ATP9B: variants seen among roughly 807,000 people sequenced by gnomAD.
ATP9B encodes probable phospholipid-transporting ATPase IIB.
In ATP9B, 110 loss-of-function variants were observed where a neutral mutation model predicts 146.1. The ratio of observed to expected loss-of-function variants is 0.75; its 90% CI spans 0.65 to 0.88. The LOEUF (loss-of-function observed/expected upper bound fraction) is 0.88. Among genes scored for constraint, ATP9B ranks in the 40% least tolerant of loss-of-function variants. The pLI, the probability that ATP9B is intolerant of heterozygous loss-of-function variation, is 0.00. For missense variants in ATP9B, 1,499 were observed against 1,496.4 expected (o/e 1.00, Z -0.03); for synonymous variants, 604 against 569.7 (o/e 1.06, Z -0.86).
chr18:79,365,443 G>C (rs949596407), intron 26 of ATP9B, among the ~76,000 whole-genome samples: 1 of 152,206 alleles, frequency 6.6e-6, no homozygotes, highest in African/African-American at 2.4e-5. Flanking sequence ...AGACAGTTTG[G>C]GCATTTCTTA....
At chr18:79,087,150 T>C (rs2146609152) in intron 1 of ATP9B, among the ~76,000 whole-genome samples, 1 of 152,322 alleles carries the variant, frequency 6.6e-6, no homozygotes, top group South Asian at 2.1e-4. Context: ...ATGAATGTGG[T>C]TTCCTCACAT....
chr18:79,291,881 T>C (rs901158133), intron 13 of ATP9B, among the ~76,000 whole-genome samples: 1 of 152,188 alleles, frequency 6.6e-6, no homozygotes, highest in African/African-American at 2.4e-5. Context: ...AAAGCAACCT[T>C]GGCACTCCCC....
At chr18:79,161,566 G>A (rs111826700) in intron 7 of ATP9B, among the ~76,000 whole-genome samples, 10,049 of 152,170 alleles carry the variant, frequency 0.066, 406 homozygotes, top group Non-Finnish European at 0.095. Flanking sequence ...TAAGAAGTCA[G>A]GGCTGGGCAC....
chr18:79,147,520 A>G (rs545958698), intron 6 of ATP9B, among the ~76,000 whole-genome samples: 2 of 148,744 alleles, frequency 1.3e-5, no homozygotes, highest in East Asian at 4.0e-4. Flanking sequence ...GTTAAAAATC[A>G]GTAACCAAGG....
At chr18:79,337,541 G>A (rs1196171233) in intron 19 of ATP9B, 92 bp downstream of exon 19, 1 of 1,500,088 alleles carries the variant, frequency 6.7e-7, no homozygotes, top group Non-Finnish European at 8.9e-7. Flanking sequence ...AACTCCTGTG[G>A]GGTCATGGAT....
intron 11 of ATP9B, among the ~76,000 whole-genome samples, chr18:79,252,183 C>T (rs1211305050): frequency 1.3e-5 from 2 of 152,210 alleles, no homozygotes; most frequent in Non-Finnish European, 2.9e-5. Flanking sequence ...ACATGGGGGG[C>T]GTACTGCCCA....
chr18:79,132,403 G>A (rs1599783794), intron 5 of ATP9B, among the ~76,000 whole-genome samples: 1 of 152,312 alleles, frequency 6.6e-6, no homozygotes, highest in East Asian at 1.9e-4. Context: ...CCAAGCGGGA[G>A]TTGATGTGCT....
intron 7 of ATP9B, among the ~76,000 whole-genome samples, chr18:79,163,344 T>G (rs1014741151): frequency 6.6e-6 from 1 of 152,226 alleles, no homozygotes; most frequent in African/African-American, 2.4e-5. Context: ...TTTCAGTGTT[T>G]AATAAGTTTA....
At position 79,084,006 on chromosome 18, in the gene ATP9B, G is replaced by A. The variant is rs568784673; in HGVS notation, c.120-12470G>A. Among the ~76,000 whole-genome samples the A allele has an allele frequency of 4.6e-5, 7 of 151,716 alleles. No homozygotes were observed. In the South Asian group the frequency reaches 1.5e-3, roughly 32 times the overall value. On this transcript the variant is annotated intron_variant, in intron 1 of 29. Transcript: ENST00000426216. ...CCCAAGTAGCTGGCACTACAGGCAC[G>A]TGCCACCATGCCCGGCTAATTTTTT...
At chr18:79,070,392 C>T (rs893001255) in intron 1 of ATP9B, among the ~76,000 whole-genome samples, 5 of 152,224 alleles carry the variant, frequency 3.3e-5, no homozygotes, top group East Asian at 1.9e-4. Flanking sequence ...GAGTGTTTAC[C>T]CACTAGCGAT....
chr18:79,073,497 G>A (rs933297848), intron 1 of ATP9B, among the ~76,000 whole-genome samples: 16 of 152,208 alleles, frequency 1.1e-4, no homozygotes, highest in African/African-American at 2.4e-4. Context: ...GCGTGGCGGC[G>A]CGCGCCTGCA....
intron 7 of ATP9B, among the ~76,000 whole-genome samples, chr18:79,160,943 T>C (rs944013160): frequency 1.5e-4 from 23 of 152,138 alleles, no homozygotes; most frequent in African/African-American, 5.3e-4. Context: ...CTGATTTTTG[T>C]ATTTTTAGTA....
At chr18:79,363,102 T>C (rs2097000216) in intron 26 of ATP9B, 1 of 152,170 alleles carries the variant, frequency 6.6e-6, no homozygotes, top group African/African-American at 2.4e-5. Context: ...TTCCAAGGAA[T>C]CCACACACAT....
At chr18:79,161,995 G>C (rs2094889883) in intron 7 of ATP9B, among the ~76,000 whole-genome samples, 3 of 152,136 alleles carry the variant, frequency 2.0e-5, no homozygotes, top group Non-Finnish European at 4.4e-5. Flanking sequence ...TGATTTTTAA[G>C]TAATTAAAGT....
At chr18:79,079,927 T>G (rs1031863808) in intron 1 of ATP9B, among the ~76,000 whole-genome samples, 7 of 152,356 alleles carry the variant, frequency 4.6e-5, no homozygotes, top group African/African-American at 9.6e-5. Flanking sequence ...TGCTTGTTTT[T>G]GTCAGGTTTG....
chr18:79,304,615 G>T (rs2096610735), intron 14 of ATP9B, among the ~76,000 whole-genome samples: 1 of 152,204 alleles, frequency 6.6e-6, no homozygotes, highest in Non-Finnish European at 1.5e-5. Context: ...CAGAGATTTT[G>T]CAGGCAGTGG....
At chr18:79,073,226 T>C (rs558378191) in intron 1 of ATP9B, among the ~76,000 whole-genome samples, 1 of 151,834 alleles carries the variant, frequency 6.6e-6, no homozygotes, top group African/African-American at 2.4e-5. Flanking sequence ...CTAGATGGGG[T>C]GGCAGCTGGG....
intron 13 of ATP9B, among the ~76,000 whole-genome samples, chr18:79,286,154 GA>G (rs2096438524): frequency 6.6e-6 from 1 of 150,824 alleles, no homozygotes; most frequent in African/African-American, 2.4e-5. Context: ...ATTCTGTGAA[GA>G]AAGTCATTGG....
At chr18:79,292,276 T>G (rs1236459080) in intron 13 of ATP9B, among the ~76,000 whole-genome samples, 1 of 152,202 alleles carries the variant, frequency 6.6e-6, no homozygotes, top group African/African-American at 2.4e-5. Flanking sequence ...ACTCTCTCTG[T>G]ATGTGTGACA....
Sources: gnomAD v4.1 joint callset for allele counts (sites outside exome capture counted in the v4.1 genomes callset) on GRCh38, gnomAD v4.1.1 for gene constraint, MANE v1.5 for transcripts, NCBI Gene and HGNC (gene_info 2026-07-23, HGNC 2026-07-21) for gene names.